ENTREP2: variants seen among roughly 807,000 people sequenced by gnomAD.
The protein encoded by ENTREP2 is protein ENTREP2.
the ENTREP2 span, among the ~76,000 whole-genome samples, chr15:29,166,488 T>C: frequency 1.3e-5 from 2 of 152,152 alleles, no homozygotes. Context: ...AGATACAAGA[T>C]GAATGTACAG....
the ENTREP2 span, among the ~76,000 whole-genome samples, chr15:29,232,801 C>A: frequency 2.0e-5 from 3 of 152,188 alleles, no homozygotes; most frequent in African/African-American, 7.2e-5. Context: ...TGTGCCACCA[C>A]GTCCAGCTAT....
chr15:29,531,960 C>T, the ENTREP2 span, among the ~76,000 whole-genome samples: 1 of 152,224 alleles, frequency 6.6e-6, no homozygotes, highest in Admixed American at 6.5e-5. Flanking sequence ...GCCACCGCAC[C>T]CAGCTTGAAA....
At chr15:29,663,606 C>T in the ENTREP2 span, among the ~76,000 whole-genome samples, 1 of 152,010 alleles carries the variant, frequency 6.6e-6, no homozygotes, top group Non-Finnish European at 1.5e-5. Context: ...AGCAAACCAT[C>T]GCAAGGACAA....
At chr15:29,400,703 TAATAGAAACAATTAATAAATTTA>T in the ENTREP2 span, among the ~76,000 whole-genome samples, 3 of 152,186 alleles carry the variant, frequency 2.0e-5, no homozygotes, top group African/African-American at 7.2e-5. Flanking sequence ...TTTTAAGACA[TAATAGAAACAATTAATAAATTTA>T]AAATGTATAC....
the ENTREP2 span, among the ~76,000 whole-genome samples, chr15:29,622,644 C>A: frequency 6.6e-6 from 1 of 152,158 alleles, no homozygotes; most frequent in Non-Finnish European, 1.5e-5. Flanking sequence ...CCTCTTTGGT[C>A]AACTGGAGCA....
At chr15:29,124,917 C>T in the ENTREP2 span, among the ~76,000 whole-genome samples, 2 of 152,242 alleles carry the variant, frequency 1.3e-5, no homozygotes, top group African/African-American at 4.8e-5. Context: ...CAGACAGGAA[C>T]CGCCCTGCAG....
At chr15:29,220,227 G>T in the ENTREP2 span, among the ~76,000 whole-genome samples, 1 of 152,000 alleles carries the variant, frequency 6.6e-6, no homozygotes, top group Non-Finnish European at 1.5e-5. Flanking sequence ...GAACCTTCAG[G>T]GACTTGGCCT....
chr15:29,545,786 GGA>G, the ENTREP2 span, among the ~76,000 whole-genome samples: 1 of 152,112 alleles, frequency 6.6e-6, no homozygotes, highest in African/African-American at 2.4e-5. Flanking sequence ...AGTCAAATGT[GGA>G]CACTATAAAT....
chr15:29,572,513 A>G, the ENTREP2 span, among the ~76,000 whole-genome samples: 75 of 151,642 alleles, frequency 4.9e-4, no homozygotes, highest in Non-Finnish European at 8.7e-4. Context: ...TTCCTCCAAC[A>G]AAAGTTCATA....
At chr15:29,573,646 C>T in the ENTREP2 span, among the ~76,000 whole-genome samples, 130,855 of 151,122 alleles carry the variant, frequency 0.87, 56,765 homozygotes, top group East Asian at 1. Context: ...TCTCTCCCCC[C>T]CTCTCTCTCT....
chr15:29,279,532 T>C, the ENTREP2 span, among the ~76,000 whole-genome samples: 1 of 152,026 alleles, frequency 6.6e-6, no homozygotes. Flanking sequence ...ACTCAGCTAA[T>C]TTTTGTATTT....
chr15:29,306,664 A>ATTTTTTTTTTTTTTTTTTTTTTTTT, the ENTREP2 span, among the ~76,000 whole-genome samples: 5 of 77,278 alleles, frequency 6.5e-5, 2 homozygotes, highest in Non-Finnish European at 1.4e-4. Context: ...ATAATTGGTA[A>ATTTTTTTTTTTTTTTTTTTTTTTTT]TTTTTTTTTT....
chr15:29,431,062 G>A, the ENTREP2 span, among the ~76,000 whole-genome samples: 7 of 152,080 alleles, frequency 4.6e-5, no homozygotes, highest in Non-Finnish European at 7.3e-5. Flanking sequence ...GGCACACTGC[G>A]GGCCCAAACT....
At chr15:29,178,545 C>G in the ENTREP2 span, among the ~76,000 whole-genome samples, 1 of 151,814 alleles carries the variant, frequency 6.6e-6, no homozygotes, top group African/African-American at 2.4e-5. Flanking sequence ...CCTGGGCGAG[C>G]GCTAGAAAGG....
At chr15:29,625,295 A>C in the ENTREP2 span, among the ~76,000 whole-genome samples, 1 of 152,060 alleles carries the variant, frequency 6.6e-6, no homozygotes, top group African/African-American at 2.4e-5. Context: ...GGTTGTTTCC[A>C]CTGTTTGGTT....
At chr15:29,135,112 C>T in the ENTREP2 span, among the ~76,000 whole-genome samples, 2 of 151,474 alleles carry the variant, frequency 1.3e-5, no homozygotes, top group South Asian at 2.1e-4. This position sits in a 1 kb window ranked among gnomAD's most constrained non-coding sequence, Gnocchi z 7.4. Flanking sequence ...TGGCTTCAGC[C>T]CCTACCCCCG....
the ENTREP2 span, among the ~76,000 whole-genome samples, chr15:29,327,725 A>G: frequency 6.6e-6 from 1 of 152,216 alleles, no homozygotes; most frequent in South Asian, 2.1e-4. Flanking sequence ...AAGCAACAAT[A>G]AGATACCATT....
the ENTREP2 span, among the ~76,000 whole-genome samples, chr15:29,426,610 T>C: frequency 4.6e-5 from 7 of 152,186 alleles, no homozygotes; most frequent in Admixed American, 2.0e-4. Context: ...ACTAATCCAA[T>C]GTTGGTCATC....
chr15:29,330,515 G>A, the ENTREP2 span, among the ~76,000 whole-genome samples: 1 of 152,066 alleles, frequency 6.6e-6, no homozygotes, highest in East Asian at 1.9e-4. Flanking sequence ...GTCTAATCAT[G>A]AGAAAAACAT....
Sources: gnomAD v4.1 joint callset for allele counts (sites outside exome capture counted in the v4.1 genomes callset) on GRCh38, gnomAD v4.1.1 for gene constraint, Gnocchi (gnomAD v3.1) non-coding constraint, MANE v1.5 for transcripts, NCBI Gene and HGNC (gene_info 2026-07-23, HGNC 2026-07-21) for gene names.